Variants in COL15A1 observed in about 807,000 individuals in gnomAD.
COL15A1 encodes the protein collagen type XV alpha 1 chain.
In COL15A1, 111 loss-of-function variants were observed where a neutral mutation model predicts 165.9. That is an observed-to-expected ratio of 0.67 (90% CI 0.57 to 0.78). COL15A1 has a LOEUF of 0.78. Ranked by LOEUF, COL15A1 falls within the 30% of genes least tolerant of loss-of-function variation. COL15A1 has a pLI of 0.00. For synonymous variants in COL15A1, 659 were observed against 674.8 expected (o/e 0.98, Z 0.36); for missense variants, 1,745 against 1,789.7 (o/e 0.98, Z 0.45).
chr9:99,064,906 C>G (rs1187244746), intron 39 of COL15A1, among the ~76,000 whole-genome samples: 1 of 152,140 alleles, frequency 6.6e-6, no homozygotes, highest in Non-Finnish European at 1.5e-5. Flanking sequence ...AAATTCAGAA[C>G]TAATACGTAT....
intron 6 of COL15A1, among the ~76,000 whole-genome samples, chr9:99,000,512 A>G (rs770691082): frequency 6.6e-6 from 1 of 152,170 alleles, no homozygotes; most frequent in Non-Finnish European, 1.5e-5. Context: ...GCTGTCCTCA[A>G]TGCTTTATTT....
chr9:99,040,711 GT>G, intron 23 of COL15A1, 155 bp downstream of exon 23: 1 of 1,348,122 alleles, frequency 7.4e-7, no homozygotes, highest in Non-Finnish European at 1.0e-6. Context: ...TAGATATGGG[GT>G]TTTGCCATGT....
Position 99,015,475 on chromosome 9 carries a change from G to A in COL15A1, c.1412G>A (p.Ser471Asn), listed in dbSNP as rs368294690. 1 of 1,605,616 alleles carries A rather than the reference G, an allele frequency of 6.2e-7. No homozygotes were observed. The highest frequency in any genetic ancestry group is 8.5e-7 in the Non-Finnish European group (1 of 1,172,678). ...GCAGCTGCAACCGAAGTGTCCCTCA[G>A]TACTTTTGAGGATGAGGAAGCCAGT... ...TAAAATEVSL[S>N]TFEDEEASGV... Residue 471 changes from serine (S) to asparagine (N), a missense_variant, in exon 10 of 42, where the codon AGT becomes AAT. Coordinates refer to ENST00000375001, the MANE Select transcript of COL15A1 (RefSeq NM_001855.5).
chr9:99,063,145 G>A, intron 39 of COL15A1, 36 bp downstream of exon 39: 1 of 1,559,370 alleles, frequency 6.4e-7, no homozygotes, highest in Non-Finnish European at 8.6e-7. Context: ...TTCAAATACT[G>A]AGTGTATATC....
chr9:99,060,748 G>A (rs780182006), intron 36 of COL15A1, among the ~76,000 whole-genome samples: 2 of 152,104 alleles, frequency 1.3e-5, no homozygotes, highest in African/African-American at 2.4e-5. Flanking sequence ...TTAACTGGGT[G>A]TGGTGGTGCA....
At chr9:98,998,515 C>T (rs572065897) in intron 6 of COL15A1, among the ~76,000 whole-genome samples, 11 of 152,316 alleles carry the variant, frequency 7.2e-5, no homozygotes, top group Non-Finnish European at 1.5e-4. Flanking sequence ...TATTTGCTGT[C>T]GGCCTGGGGC....
intron 2 of COL15A1, among the ~76,000 whole-genome samples, chr9:98,956,397 A>G (rs984282108): frequency 2.0e-5 from 3 of 152,228 alleles, no homozygotes; most frequent in Admixed American, 1.3e-4. Flanking sequence ...TTTATGTGCC[A>G]GGTGCTGTTT....
chr9:99,043,312 G>A (rs915082829), intron 24 of COL15A1, among the ~76,000 whole-genome samples: 2 of 152,252 alleles, frequency 1.3e-5, no homozygotes, highest in African/African-American at 4.8e-5. Flanking sequence ...CAGGCCTGTG[G>A]AGATGGACCA....
Position 98,985,554 on chromosome 9 carries a change from C to T in COL15A1, c.101-11C>T, listed in dbSNP as rs777809448. On this transcript the variant is annotated splice_polypyrimidine_tract_variant and intron_variant, in intron 2 of 41. Transcript: ENST00000375001. ...ACCTGTAAAGCGTGGCCTCTCTCTC[C>T]CTCCCTGCAGAGACTGCTTCCCAGG... 1.2e-6 allele frequency: 2 copies of T among 1,603,262 alleles called. No individual in the cohort carries two copies. Among genetic ancestry groups the T allele is most frequent in the South Asian group, 1.1e-5 (1 of 90,670 alleles).
chr9:99,009,618 CA>C (rs1838817392), intron 9 of COL15A1, among the ~76,000 whole-genome samples: 1 of 151,936 alleles, frequency 6.6e-6, no homozygotes, highest in African/African-American at 2.4e-5. Context: ...CACTTGATAT[CA>C]CAAAATAGGA....
chr9:99,023,130 G>A (rs908704024), intron 13 of COL15A1, among the ~76,000 whole-genome samples: 14 of 152,192 alleles, frequency 9.2e-5, no homozygotes, highest in Non-Finnish European at 4.4e-5. Flanking sequence ...TTGAAAGGCA[G>A]GAAAGGAGGC....
intron 35 of COL15A1, among the ~76,000 whole-genome samples, chr9:99,057,043 C>T (rs1352379747): frequency 1.3e-5 from 2 of 152,066 alleles, no homozygotes; most frequent in African/African-American, 2.4e-5. Flanking sequence ...ACATGTTTTC[C>T]GTTCTCTTCA....
At chr9:98,964,615 C>T (rs1180073277) in intron 2 of COL15A1, among the ~76,000 whole-genome samples, 1 of 152,208 alleles carries the variant, frequency 6.6e-6, no homozygotes, top group East Asian at 1.9e-4. Context: ...CAGGTCCCCA[C>T]CACAGATTCA....
chr9:98,985,549 C>G lies in COL15A1; in HGVS notation c.101-16C>G. 1 of 1,601,720 alleles carries G rather than the reference C, an allele frequency of 6.2e-7. No homozygotes were observed. The highest frequency in any genetic ancestry group is 8.5e-7 in the Non-Finnish European group (1 of 1,171,226). ...AATATACCTGTAAAGCGTGGCCTCT[C>G]TCTCCCTCCCTGCAGAGACTGCTTC... On this transcript the variant is annotated splice_polypyrimidine_tract_variant and intron_variant, in intron 2 of 41. Coordinates refer to ENST00000375001, the MANE Select transcript of COL15A1 (RefSeq NM_001855.5).
chr9:99,003,019 A>C (rs1235205786), intron 7 of COL15A1, among the ~76,000 whole-genome samples: 1 of 152,230 alleles, frequency 6.6e-6, no homozygotes, highest in African/African-American at 2.4e-5. Context: ...ACAGGGAGAG[A>C]GAAGAAGCAG....
At chr9:98,993,286 G>A (rs1281943076) in intron 5 of COL15A1, among the ~76,000 whole-genome samples, 2 of 152,232 alleles carry the variant, frequency 1.3e-5, no homozygotes, top group East Asian at 1.9e-4. Flanking sequence ...GTGATGTGAT[G>A]TGTCAGAGAG....
rs200414003 is a variant in COL15A1 at position 99,015,532 on chromosome 9, C to G, written c.1469C>G (p.Thr490Arg). The change falls in exon 10 of 42, where the codon ACA (threonine) becomes AGA (arginine). Residue 490 changes from threonine to arginine, a missense_variant. Thr to Arg is a moderately conservative substitution (Grantham distance 71). Coordinates refer to ENST00000375001, the MANE Select transcript of COL15A1 (RefSeq NM_001855.5). ...GVPTDGLAPL[T>R]ATMAPERAVT... is the part of the protein sequence containing the mutation. ...CCCACAGATGGCCTGGCTCCCCTCA[C>G]AGCCACCATGGCCCCTGAGCGGGCA... The G allele has an allele frequency of 1.2e-6, 2 of 1,613,924 alleles. No homozygotes were observed. Among genetic ancestry groups the G allele is most frequent in the South Asian group, 1.1e-5 (1 of 91,058 alleles).
chr9:98,993,121 C>A (rs181295825), intron 5 of COL15A1, among the ~76,000 whole-genome samples: 34 of 152,338 alleles, frequency 2.2e-4, no homozygotes, highest in Admixed American at 1.9e-3. Context: ...GTGACTTAAG[C>A]TCTCCAAGGC....
rs1021455660 is a variant in COL15A1, at chr9:99,020,390, C to T, written c.1649C>T (p.Ala550Val). 6.2e-7 allele frequency: 1 copy of T among 1,612,398 alleles called. No individual in the cohort carries two copies. Among genetic ancestry groups the T allele is most frequent in the East Asian group, 2.2e-5 (1 of 44,868 alleles). The change falls in exon 12 of 42, where the codon GCT becomes GTT. Residue 550 changes from alanine to valine, a missense_variant and splice_region_variant. By Grantham distance (64) the Ala-to-Val change is moderately conservative (BLOSUM62 0). Coordinates refer to ENST00000375001, the MANE Select transcript of COL15A1 (RefSeq NM_001855.5). ...TVAPERWITP[A>V]QREHVGMKGQ... ...TTTAACCAAATCTTCTTCTTTTAGG[C>T]TCAAAGAGAACATGTGGGAATGAAA...
Sources: allele counts gnomAD v4.1 joint callset (sites outside exome capture counted in the v4.1 genomes callset), GRCh38; gene constraint gnomAD v4.1.1; transcripts MANE v1.5; gene names NCBI Gene and HGNC (gene_info 2026-07-23, HGNC 2026-07-21).